SPOCK1: variants seen among roughly 807,000 people sequenced by gnomAD.
SPOCK1 encodes testican-1.
A neutral mutation model predicts 55.3 loss-of-function variants in SPOCK1; 23 were observed. The ratio of observed to expected loss-of-function variants is 0.42; its 90% CI spans 0.30 to 0.59. The LOEUF is 0.59. Among genes scored for constraint, SPOCK1 ranks in the 20% least tolerant of loss-of-function variants. The pLI, the probability that SPOCK1 is intolerant of heterozygous loss-of-function variation, is 0.22. For synonymous variants in SPOCK1, 226 were observed against 221.0 expected, an observed-to-expected ratio of 1.02 and a Z score of -0.20; for missense variants, 499 against 552.5, an observed-to-expected ratio of 0.90 and a Z score of 0.97.
chr5:137,065,321 T>C (rs907235381), intron 6 of SPOCK1, among the ~76,000 whole-genome samples: 1 of 152,154 alleles, frequency 6.6e-6, no homozygotes, highest in East Asian at 1.9e-4. Context: ...GTTGGTACTG[T>C]CATAAATTAA....
At chr5:137,144,842 A>G (rs1234541643) in intron 3 of SPOCK1, among the ~76,000 whole-genome samples, 1 of 152,198 alleles carries the variant, frequency 6.6e-6, no homozygotes, top group Non-Finnish European at 1.5e-5. Context: ...GACAGCCCTG[A>G]GCAGAGTTCA....
At chr5:137,294,191 T>C (rs1757433333) in intron 2 of SPOCK1, among the ~76,000 whole-genome samples, 1 of 152,166 alleles carries the variant, frequency 6.6e-6, no homozygotes, top group South Asian at 2.1e-4. Context: ...TATCGAACCA[T>C]ATGGTACTAG....
intron 6 of SPOCK1, among the ~76,000 whole-genome samples, chr5:137,013,579 A>G (rs993911842): frequency 6.6e-6 from 1 of 152,174 alleles, no homozygotes; most frequent in African/African-American, 2.4e-5. Flanking sequence ...TTTTTTATTC[A>G]TATCTATGAT....
chr5:137,497,666 C>T (rs954841795), intron 2 of SPOCK1, among the ~76,000 whole-genome samples: 1 of 152,164 alleles, frequency 6.6e-6, no homozygotes, highest in Non-Finnish European at 1.5e-5. Context: ...TCTGCGTGTC[C>T]GGGAGTAACT....
At chr5:137,301,442 G>T (rs1258577521) in intron 2 of SPOCK1, among the ~76,000 whole-genome samples, 2 of 152,142 alleles carry the variant, frequency 1.3e-5, no homozygotes, top group Non-Finnish European at 2.9e-5. Context: ...AACACCAGTT[G>T]TGAACTCCTT....
intron 4 of SPOCK1, among the ~76,000 whole-genome samples, chr5:137,117,656 G>T (rs1365009461): frequency 6.6e-6 from 1 of 151,950 alleles, no homozygotes; most frequent in Non-Finnish European, 1.5e-5. Flanking sequence ...AAAATGGTGT[G>T]TTGTTTTAAG....
chr5:137,120,827 G>T (rs140727846), intron 4 of SPOCK1, among the ~76,000 whole-genome samples: 1 of 152,234 alleles, frequency 6.6e-6, no homozygotes, highest in Non-Finnish European at 1.5e-5. Context: ...CGCCAGTCTC[G>T]CATTTCTACA....
In SPOCK1 at chr5:137,418,511, A is replaced by T. The variant is rs527502302; in HGVS notation, c.186+79862T>A. Among the ~76,000 whole-genome samples, 20 of 152,192 alleles carry T rather than the reference A, an allele frequency of 1.3e-4. No individual in the cohort carries two copies. The East Asian group carries it at 3.7e-3, about 28-fold the overall frequency. ...TGATCGCCATTCTAACTGGTGTGAG[A>T]TGGTATCTCATTGTGGTTTTGATTT... On this transcript the variant is annotated intron_variant, in intron 2 of 10. Coordinates refer to ENST00000394945, the MANE Select transcript of SPOCK1 (RefSeq NM_004598.4).
chr5:137,083,999 G>A (rs2127015458), intron 5 of SPOCK1, among the ~76,000 whole-genome samples: 1 of 152,146 alleles, frequency 6.6e-6, no homozygotes, highest in Middle Eastern at 3.4e-3. Flanking sequence ...ACAGCTTTGA[G>A]ACTTAGTTTT....
At chr5:137,409,503 C>T (rs1752167062) in intron 2 of SPOCK1, among the ~76,000 whole-genome samples, 1 of 152,182 alleles carries the variant, frequency 6.6e-6, no homozygotes, top group Non-Finnish European at 1.5e-5. Flanking sequence ...CTCAAATCTG[C>T]CATGTGCTAG....
intron 9 of SPOCK1, among the ~76,000 whole-genome samples, chr5:136,983,011 G>GT (rs1750762433): frequency 6.6e-6 from 1 of 152,016 alleles, no homozygotes; most frequent in African/African-American, 2.4e-5. Flanking sequence ...TTTAGTTTTG[G>GT]TTTTCCTTAC....
chr5:137,245,778 AAAAAAAAAC>A (rs1394440554), intron 3 of SPOCK1, among the ~76,000 whole-genome samples: 13 of 118,952 alleles, frequency 1.1e-4, no homozygotes, highest in South Asian at 2.6e-4. Context: ...AAACAAAACA[AAAAAAAAAC>A]AAAAAAAAAA....
intron 2 of SPOCK1, among the ~76,000 whole-genome samples, chr5:137,342,700 C>G (rs1311080915): frequency 1.3e-5 from 2 of 152,188 alleles, no homozygotes; most frequent in African/African-American, 4.8e-5. Flanking sequence ...GAAGAGCAGG[C>G]TGAAATGGAA....
intron 3 of SPOCK1, among the ~76,000 whole-genome samples, chr5:137,198,880 T>G (rs1339230851): frequency 1.3e-5 from 2 of 152,238 alleles, no homozygotes; most frequent in Non-Finnish European, 2.9e-5. Context: ...ACTAAACGAC[T>G]GAATAAATGT....
At chr5:137,374,616 G>GC (rs1751272723) in intron 2 of SPOCK1, among the ~76,000 whole-genome samples, 1 of 152,128 alleles carries the variant, frequency 6.6e-6, no homozygotes, top group Non-Finnish European at 1.5e-5. Context: ...TTCTGATGGT[G>GC]CCCCAGGGAG....
chr5:137,470,541 G>A (rs957942057), intron 2 of SPOCK1, among the ~76,000 whole-genome samples: 1 of 152,128 alleles, frequency 6.6e-6, no homozygotes, highest in Non-Finnish European at 1.5e-5. Context: ...TGTGGCTGCT[G>A]AGCATGGTGC....
Position 137,200,229 on chromosome 5 carries a change from C to T in SPOCK1, c.233-59535G>A, listed in dbSNP as rs1295077701. On this transcript the variant is annotated intron_variant, in intron 3 of 10. Coordinates refer to ENST00000394945, the MANE Select transcript of SPOCK1 (RefSeq NM_004598.4). ...ATTCCTCAGACAGGCCAGATGCACC[C>T]TTTTGGGCCTCCGAACCTGCTGCTT... is the stretch of plus-strand genomic sequence containing the variant. Among the ~76,000 whole-genome samples the T allele has an allele frequency of 2.0e-5, 3 of 152,218 alleles. No individual in the cohort carries two copies. The East Asian group carries it at 5.8e-4, about 29-fold the overall frequency.
intron 2 of SPOCK1, among the ~76,000 whole-genome samples, chr5:137,295,214 G>A (rs889644012): frequency 3.3e-5 from 5 of 152,178 alleles, no homozygotes; most frequent in South Asian, 2.1e-4. Context: ...TGTTCTTTAT[G>A]CTTTTCTGTA....
chr5:137,194,078 GA>G (rs1755246681), intron 3 of SPOCK1, among the ~76,000 whole-genome samples: 1 of 152,132 alleles, frequency 6.6e-6, no homozygotes, highest in African/African-American at 2.4e-5. Flanking sequence ...TTCGCCCTAA[GA>G]AAAAATATTG....
Sources: gnomAD v4.1 joint callset for allele counts (sites outside exome capture counted in the v4.1 genomes callset) on GRCh38, gnomAD v4.1.1 for gene constraint, MANE v1.5 for transcripts, NCBI Gene and HGNC (gene_info 2026-07-23, HGNC 2026-07-21) for gene names.